Variants in SPATA6L observed in about 807,000 individuals in gnomAD.
SPATA6L encodes the protein spermatogenesis associated 6 like.
In SPATA6L, 68 loss-of-function variants were observed where a neutral mutation model predicts 49.2. That is an observed-to-expected ratio of 1.38 (90% CI 1.14 to 1.69). SPATA6L has a LOEUF of 1.69. SPATA6L is among the 40% of genes most tolerant of loss of function. The probability of loss-of-function intolerance (pLI) is 0.00; values close to 1 mark genes in which losing one functional copy is unlikely to be tolerated. For synonymous variants in SPATA6L, 198 were observed against 165.7 expected (o/e 1.19, Z -1.50); for missense variants, 668 against 464.3 (o/e 1.44, Z -4.03).
At chr9:4,630,424 C>G (rs1250995001) in intron 4 of SPATA6L, among the ~76,000 whole-genome samples, 1 of 152,222 alleles carries the variant, frequency 6.6e-6, no homozygotes, top group Non-Finnish European at 1.5e-5. Flanking sequence ...CTAAATTACA[C>G]TGTCTCCACC....
chr9:4,643,310 C>T (rs10974705), intron 3 of SPATA6L, among the ~76,000 whole-genome samples: 15,615 of 152,158 alleles, frequency 0.1, 1,025 homozygotes, highest in East Asian at 0.33. Context: ...ACTTTGCAAA[C>T]ACAACAAATC....
chr9:4,625,901 A>G (rs1051080764), intron 5 of SPATA6L: 5 of 175,958 alleles, frequency 2.8e-5, no homozygotes, highest in African/African-American at 1.2e-4. Context: ...TTTCACTTCC[A>G]GGAATGTATT....
chr9:4,647,612 A>C (rs1835705578), intron 3 of SPATA6L, among the ~76,000 whole-genome samples: 2 of 152,062 alleles, frequency 1.3e-5, no homozygotes, highest in Non-Finnish European at 2.9e-5. Flanking sequence ...AACAAACAAA[A>C]AATATATATA....
Position 4,600,138 on chromosome 9 carries a change from ATT to A in SPATA6L, c.*671_*672del, listed in dbSNP as rs1822856946. Reference sequence around the variant, plus strand: ...GAGGAAGGTTTTGTTCCTCATCTAAATTTACAAAGAATTGCTGGAACGAAGGA... The same window carrying A: ...GAGGAAGGTTTTGTTCCTCATCTAAATACAAAGAATTGCTGGAACGAAGGA... On this transcript the variant is annotated 3_prime_UTR_variant, in exon 12 of 12. Coordinates refer to ENST00000682582, the MANE Select transcript of SPATA6L (RefSeq NM_001353486.2). Among the ~76,000 whole-genome samples the A allele has an allele frequency of 6.6e-6, 1 of 152,176 alleles. No homozygotes were observed. Among genetic ancestry groups the A allele is most frequent in the South Asian group, 2.1e-4 (1 of 4,828 alleles).
chr9:4,614,214 G>A (rs1264111641), intron 9 of SPATA6L, among the ~76,000 whole-genome samples: 4 of 152,146 alleles, frequency 2.6e-5, no homozygotes, highest in African/African-American at 9.7e-5. Context: ...TGGATACAGG[G>A]AACAGGCTTG....
intron 3 of SPATA6L, among the ~76,000 whole-genome samples, chr9:4,654,071 G>A (rs963505720): frequency 6.6e-6 from 1 of 152,160 alleles, no homozygotes; most frequent in Non-Finnish European, 1.5e-5. Context: ...TTAGCCATCA[G>A]GGAAATGCAA....
intron 9 of SPATA6L, among the ~76,000 whole-genome samples, chr9:4,614,446 T>C (rs1041173473): frequency 2.0e-5 from 3 of 152,062 alleles, no homozygotes; most frequent in Middle Eastern, 3.2e-3. Context: ...GGTCCTGATA[T>C]TGCTGGTATG....
chr9:4,613,478 C>G (rs1315722233), intron 9 of SPATA6L, among the ~76,000 whole-genome samples: 2 of 152,058 alleles, frequency 1.3e-5, no homozygotes, highest in African/African-American at 4.8e-5. Context: ...ATGAATGGAT[C>G]TACACAAATC....
At position 4,662,738 on chromosome 9, in the gene SPATA6L, G is replaced by A. The variant is rs1840147959; in HGVS notation, c.40-702C>T. 5.0e-6 allele frequency: 8 copies of A among 1,603,304 alleles called. 1 individual carries two copies. In the East Asian group the frequency reaches 1.6e-4, roughly 31 times the overall value. On this transcript the variant is annotated intron_variant, in intron 1 of 11. Coordinates refer to ENST00000682582, the MANE Select transcript of SPATA6L (RefSeq NM_001353486.2). The surrounding 1 kb of genome is among the most constrained non-coding windows in gnomAD (Gnocchi z 4.9). ...TGTCCAAGAAGCTGGGGGTGTGCGCGGGAGAGAGCTCGTCGTGGGGCAGCG... is the reference window on the plus strand; with the variant it reads ...TGTCCAAGAAGCTGGGGGTGTGCGCAGGAGAGAGCTCGTCGTGGGGCAGCG...
At chr9:4,590,554 A>G (rs1821841396) in intron 13 of SPATA6L, among the ~76,000 whole-genome samples, 1 of 152,162 alleles carries the variant, frequency 6.6e-6, no homozygotes, top group South Asian at 2.1e-4. Flanking sequence ...CCCCCAAAAG[A>G]CAAGATAAAC....
chr9:4,608,259 AC>A, intron 9 of SPATA6L, among the ~76,000 whole-genome samples: 1 of 94,628 alleles, frequency 1.1e-5, no homozygotes, highest in Non-Finnish European at 2.0e-5. Flanking sequence ...CAACAAGGAT[AC>A]CCAGGAATTG....
In SPATA6L at chr9:4,660,678, T is replaced by A. The variant is rs530014527; in HGVS notation, c.177+1221A>T. ...CCATTTGACCCAGCCATCCCATTAC[T>A]GGGTATATACCCAAAGGATTATAAA... On this transcript the variant is annotated intron_variant, in intron 2 of 11. Transcript: ENST00000682582. Among the ~76,000 whole-genome samples the A allele has an allele frequency of 2.4e-4, 37 of 152,388 alleles. 1 individual carries two copies. The South Asian group carries it at 7.7e-3, about 32-fold the overall frequency.
At chr9:4,609,780 T>C (rs558472635) in intron 9 of SPATA6L, among the ~76,000 whole-genome samples, 14 of 151,686 alleles carry the variant, frequency 9.2e-5, no homozygotes, top group African/African-American at 3.4e-4. Context: ...AACATAGTGT[T>C]GGAAGTTCTG....
rs557582937 is a variant in SPATA6L at position 4,650,882 on chromosome 9, G to C, written c.226+5159C>G. ...TGTGTGTGTGTGTGTGTGTATTTTTGATAGAGACACGGTTTCACCATATTG... is the reference window on the plus strand; with the variant it reads ...TGTGTGTGTGTGTGTGTGTATTTTTCATAGAGACACGGTTTCACCATATTG... On this transcript the variant is annotated intron_variant, in intron 3 of 11. Transcript: ENST00000682582. Among the ~76,000 whole-genome samples the C allele has an allele frequency of 2.0e-5, 3 of 149,574 alleles. No individual in the cohort carries two copies. In the East Asian group the frequency reaches 5.9e-4, roughly 30 times the overall value.
rs556720654 is a variant in SPATA6L at position 4,653,816 on chromosome 9, A to G, written c.226+2225T>C. ...GCTAGGCATGGTGCTGTGCGCCTAT[A>G]GTCCCAGCTACTTCAGAGGCTGAGG... On this transcript the variant is annotated intron_variant, in intron 3 of 11. Transcript: ENST00000682582. Among the ~76,000 whole-genome samples, 7 of 152,326 alleles carry G rather than the reference A, an allele frequency of 4.6e-5. No homozygotes were observed. The South Asian group carries it at 1.5e-3, about 32-fold the overall frequency.
chr9:4,613,822 G>A (rs577528942), intron 9 of SPATA6L, among the ~76,000 whole-genome samples: 1 of 152,226 alleles, frequency 6.6e-6, no homozygotes, highest in Admixed American at 6.5e-5. Context: ...GACCTCAAGT[G>A]ATCCACCCAC....
At chr9:4,618,581 G>A (rs1474944375) in intron 8 of SPATA6L, among the ~76,000 whole-genome samples, 1 of 152,074 alleles carries the variant, frequency 6.6e-6, no homozygotes, top group Non-Finnish European at 1.5e-5. Flanking sequence ...AAAATTATTT[G>A]ATTAGAGAAA....
At chr9:4,606,846 G>C (rs1273104155) in intron 9 of SPATA6L, among the ~76,000 whole-genome samples, 4 of 147,236 alleles carry the variant, frequency 2.7e-5, no homozygotes, top group South Asian at 2.1e-4. Flanking sequence ...AAATTACTCT[G>C]AGCTACGGGA....
chr9:4,648,639 G>A (rs2130702226), intron 3 of SPATA6L, among the ~76,000 whole-genome samples: 1 of 151,830 alleles, frequency 6.6e-6, no homozygotes, highest in South Asian at 2.1e-4. Flanking sequence ...GGCAGAGCTT[G>A]CAGTGAGCCG....
Sources: gnomAD v4.1 joint callset for allele counts (sites outside exome capture counted in the v4.1 genomes callset) on GRCh38, gnomAD v4.1.1 for gene constraint, Gnocchi (gnomAD v3.1) non-coding constraint, MANE v1.5 for transcripts, NCBI Gene and HGNC (gene_info 2026-07-23, HGNC 2026-07-21) for gene names.